The following SLC9A3 variants were observed in gnomAD, a reference collection of about 807,000 sequenced individuals.
SLC9A3 encodes solute carrier family 9 member A3.
Under a neutral mutation model 86.8 loss-of-function variants are expected in SLC9A3, and 37 were observed. The ratio of observed to expected loss-of-function variants is 0.43; its 90% CI spans 0.33 to 0.56. The LOEUF is 0.56. Among genes scored for constraint, SLC9A3 ranks in the 20% least tolerant of loss-of-function variants. The pLI, the probability that SLC9A3 is intolerant of heterozygous loss-of-function variation, is 0.06. For synonymous variants in SLC9A3, 581 were observed against 528.3 expected, an observed-to-expected ratio of 1.10 and a Z score of -1.37; for missense variants, 1,011 against 1,171.9, an observed-to-expected ratio of 0.86 and a Z score of 2.00.
At chr5:477,709 G>A (rs1376939273) in intron 10 of SLC9A3, 2 of 434,216 alleles carry the variant, frequency 4.6e-6, no homozygotes, top group Non-Finnish European at 8.2e-6. Flanking sequence ...GGACACAGTG[G>A]TCTGAGTGTG....
rs372909481 is a variant in SLC9A3 at position 477,475 on chromosome 5, C to G, written c.1648-31G>C. On this transcript the variant is annotated intron_variant, in intron 10 of 16. Coordinates refer to ENST00000264938, the MANE Select transcript of SLC9A3 (RefSeq NM_004174.4). Reference sequence around the variant, plus strand: ...GTCAGGAAGCAGCCCGGTCAGTGGCCTGAGCAGCCAAGCCCTAGCTGCTGC... The same window carrying G: ...GTCAGGAAGCAGCCCGGTCAGTGGCGTGAGCAGCCAAGCCCTAGCTGCTGC... 12 of 1,534,870 alleles carry G rather than the reference C, an allele frequency of 7.8e-6. No homozygotes were observed. In the African/African-American group the frequency reaches 1.4e-4, roughly 18 times the overall value.
rs1738458236 is a variant in SLC9A3 at position 472,935 on chromosome 5, T to C, written c.*444A>G. 5.5e-6 allele frequency: 3 copies of C among 541,114 alleles called. No individual in the cohort carries two copies. Among genetic ancestry groups the C allele is most frequent in the Non-Finnish European group, 9.9e-6 (3 of 303,410 alleles). 33.5% of individuals were successfully genotyped at this position (541,114 alleles called of 1,614,324 possible). Reference sequence around the variant, plus strand: ...GGGAAAGGGCGCGAGCGGCCAGCCATGGCGCGCGGACCCTTCCCGCCGGCG... The same window carrying C: ...GGGAAAGGGCGCGAGCGGCCAGCCACGGCGCGCGGACCCTTCCCGCCGGCG... On this transcript the variant is annotated 3_prime_UTR_variant, in exon 17 of 17. Transcript: ENST00000264938.
chr5:522,638 A>T (rs1733916403), intron 1 of SLC9A3, among the ~76,000 whole-genome samples: 1 of 151,740 alleles, frequency 6.6e-6, no homozygotes, highest in African/African-American at 2.4e-5. Flanking sequence ...CATGCCTGTA[A>T]TCCCAGCTAC....
intron 1 of SLC9A3, among the ~76,000 whole-genome samples, chr5:506,402 G>A (rs1740584037): frequency 6.6e-6 from 1 of 152,200 alleles, no homozygotes; most frequent in Admixed American, 6.5e-5. Context: ...TCTCACGCGA[G>A]GTGTGCCCCG....
intron 6 of SLC9A3, 79 bp downstream of exon 6, chr5:483,183 C>T (rs754214898): frequency 1.5e-5 from 17 of 1,113,032 alleles, no homozygotes; most frequent in Non-Finnish European, 6.5e-6. Context: ...CTCCCTGGGC[C>T]CAGTAGAAAG....
intron 1 of SLC9A3, among the ~76,000 whole-genome samples, chr5:499,482 A>C (rs1740167479): frequency 6.6e-6 from 1 of 152,130 alleles, no homozygotes; most frequent in South Asian, 2.1e-4. Flanking sequence ...TGTTCCACAG[A>C]CTCATTCCAG....
intron 1 of SLC9A3, among the ~76,000 whole-genome samples, chr5:503,679 T>C (rs1740410161): frequency 1.3e-5 from 2 of 152,250 alleles, no homozygotes; most frequent in African/African-American, 4.8e-5. Context: ...GCAATGCAAG[T>C]ACAGGGAAAA....
At chr5:503,137 T>TA (rs1740386324) in intron 1 of SLC9A3, among the ~76,000 whole-genome samples, 1 of 152,284 alleles carries the variant, frequency 6.6e-6, no homozygotes, top group African/African-American at 2.4e-5. Flanking sequence ...TGGATAGACT[T>TA]ACGAGCAGAC....
chr5:494,214 C>T (rs938731440), intron 1 of SLC9A3, among the ~76,000 whole-genome samples: 4 of 152,384 alleles, frequency 2.6e-5, no homozygotes, highest in Non-Finnish European at 5.9e-5. Flanking sequence ...CCCCGACAGC[C>T]CCGTCCTCAG....
At chr5:482,254 C>G in intron 7 of SLC9A3, 97 bp from the exon 8 acceptor site, 2 of 936,804 alleles carry the variant, frequency 2.1e-6, no homozygotes, top group Middle Eastern at 2.2e-4. Flanking sequence ...CCCCGGGGCC[C>G]ACAGGCGCCC....
chr5:471,253 G>T lies in SLC9A3; in HGVS notation c.*2126C>A, dbSNP rs1364356452. On this transcript the variant is annotated 3_prime_UTR_variant, in exon 17 of 17. Coordinates refer to ENST00000264938, the MANE Select transcript of SLC9A3 (RefSeq NM_004174.4). ...TCTTTGCTGACTTTGGTAACCGGGT[G>T]TCCAGGGAGGAGCGATCGGGAGTGG... 3 of 164,296 alleles carry T rather than the reference G, an allele frequency of 1.8e-5. No individual in the cohort carries two copies. The highest frequency in any genetic ancestry group is 7.2e-5 in the African/African-American group (3 of 41,676). 10.2% of individuals were successfully genotyped at this position (164,296 alleles called of 1,614,324 possible).
Position 483,498 on chromosome 5 carries a change from C to T in SLC9A3, c.933-16G>A, listed in dbSNP as rs377487421. ...GAAGGTGATGCTGCAGGGACAGACG[C>T]GCCTCAGGACACGGCCACCTGGCCT... On this transcript the variant is annotated splice_polypyrimidine_tract_variant and intron_variant, in intron 5 of 16. Coordinates refer to ENST00000264938, the MANE Select transcript of SLC9A3 (RefSeq NM_004174.4). 27 of 1,546,062 alleles carry T rather than the reference C, an allele frequency of 1.7e-5. No homozygotes were observed. Among genetic ancestry groups the T allele is most frequent in the East Asian group, 7.2e-5 (3 of 41,496 alleles).
Position 477,408 on chromosome 5 carries a change from G to C in SLC9A3, c.1684C>G (p.Pro562Ala), listed in dbSNP as rs1007386859. Residue 562 changes from proline to alanine, a missense_variant, in exon 11 of 17, where the codon CCC becomes GCC. This residue lies in a region of SLC9A3 where 565 missense variants were observed against 790.0 expected (regional missense o/e 0.72). Transcript: ENST00000264938. The part of the protein sequence containing the change: ...RRGSLAFIRS[P>A]STDNVVNVDF... ...ACGTTGACCACGTTGTCGGTGCTGG[G>C]GGAGCGGATGAAGGCCAGGGACCCG... is the stretch of plus-strand genomic sequence containing the variant. 15 of 1,613,100 alleles carry C rather than the reference G, an allele frequency of 9.3e-6. No homozygotes were observed. The highest frequency in any genetic ancestry group is 1.3e-5 in the Non-Finnish European group (15 of 1,179,814).
chr5:522,863 G>A (rs1156924470), intron 1 of SLC9A3, among the ~76,000 whole-genome samples: 7 of 152,204 alleles, frequency 4.6e-5, no homozygotes, highest in Non-Finnish European at 7.3e-5. Context: ...GGTTGAGTCT[G>A]GACCTCCCTG....
rs539760651 is a variant in SLC9A3 at position 497,340 on chromosome 5, A to G, written c.212-5269T>C. 6.6e-6 allele frequency among the ~76,000 whole-genome samples: 1 copy of G among 152,086 alleles called. No individual in the cohort carries two copies. The highest frequency in any genetic ancestry group is 2.1e-4 in the South Asian group (1 of 4,820). ...AGTCGACGCCCCCCACTGCCCTCGA[A>G]ACCTGGTTTCTCTGCTCCCGGGTCT... On this transcript the variant is annotated intron_variant, in intron 1 of 16. Coordinates refer to ENST00000264938, the MANE Select transcript of SLC9A3 (RefSeq NM_004174.4). The surrounding 1 kb of genome is among the most constrained non-coding windows in gnomAD (Gnocchi z 5.4).
At chr5:503,786 A>G (rs991135984) in intron 1 of SLC9A3, among the ~76,000 whole-genome samples, 1 of 152,212 alleles carries the variant, frequency 6.6e-6, no homozygotes, top group African/African-American at 2.4e-5. Context: ...CCAATAAAGA[A>G]CTTTCTTCTT....
At chr5:485,375 C>T (rs920281698) in intron 3 of SLC9A3, 144 bp from the exon 4 acceptor site, 17 of 701,096 alleles carry the variant, frequency 2.4e-5, no homozygotes, top group Non-Finnish European at 4.4e-5. Context: ...AGGGCAATGG[C>T]CCCCAAAGGG....
intron 8 of SLC9A3, 144 bp from the exon 9 acceptor site, chr5:481,779 T>C (rs1467206019): frequency 1.6e-4 from 90 of 554,172 alleles, no homozygotes; most frequent in Admixed American, 1.3e-3. Context: ...TCTCCCCTCC[T>C]GGCCCAGCCC....
At chr5:519,388 C>T (rs538280678) in intron 1 of SLC9A3, among the ~76,000 whole-genome samples, 86 of 152,284 alleles carry the variant, frequency 5.6e-4, no homozygotes, top group Middle Eastern at 3.4e-3. Flanking sequence ...AGGTGCTGTG[C>T]GCATTGAGGG....
Sources: allele counts gnomAD v4.1 joint callset (sites outside exome capture counted in the v4.1 genomes callset), GRCh38; gene constraint gnomAD v4.1.1; regional missense constraint gnomAD v4.1.1; non-coding constraint Gnocchi (gnomAD v3.1); transcripts MANE v1.5; gene names NCBI Gene and HGNC (gene_info 2026-07-23, HGNC 2026-07-21).